SOX5: variants seen among roughly 807,000 people sequenced by gnomAD.
SOX5 encodes the protein transcription factor SOX-5.
Under a neutral mutation model 92.0 loss-of-function variants are expected in SOX5, and 9 were observed. That is an observed-to-expected ratio of 0.10 (90% CI 0.06 to 0.17). The LOEUF (loss-of-function observed/expected upper bound fraction) is 0.17. Among genes scored for constraint, SOX5 ranks in the 10% least tolerant of loss-of-function variants. SOX5 has a pLI of 1.00. For missense variants in SOX5, 642 were observed against 944.5 expected (o/e 0.68, Z 4.20); for synonymous variants, 344 against 336.3 (o/e 1.02, Z -0.25).
At chr12:23,756,868 C>T (rs2094399997) in intron 3 of SOX5, among the ~76,000 whole-genome samples, 1 of 151,856 alleles carries the variant, frequency 6.6e-6, no homozygotes, top group African/African-American at 2.4e-5. Flanking sequence ...GGTTAATTTT[C>T]CCCACAGTAA....
intron 2 of SOX5, among the ~76,000 whole-genome samples, chr12:23,847,041 G>T (rs2096583106): frequency 6.6e-6 from 1 of 152,024 alleles, no homozygotes; most frequent in African/African-American, 2.4e-5. Context: ...CACAAATCTG[G>T]TAATTTGTAT....
intron 1 of SOX5, among the ~76,000 whole-genome samples, chr12:24,479,988 A>G (rs1209159217): frequency 1.3e-5 from 2 of 152,194 alleles, no homozygotes; most frequent in African/African-American, 4.8e-5. Context: ...TTTAAAAACC[A>G]TAATAGTTAA....
At chr12:24,365,297 A>C (rs1195506903) in intron 2 of SOX5, among the ~76,000 whole-genome samples, 1 of 152,124 alleles carries the variant, frequency 6.6e-6, no homozygotes, top group Non-Finnish European at 1.5e-5. Flanking sequence ...AGCAACTTAA[A>C]ACTCCAGGCT....
At chr12:24,424,808 T>TTGGG (rs777071142) in intron 1 of SOX5, among the ~76,000 whole-genome samples, 1 of 138,438 alleles carries the variant, frequency 7.2e-6, no homozygotes, top group East Asian at 2.3e-4. Flanking sequence ...GTTTTTTTTT[T>TTGGG]GGGGGGGGGG....
chr12:24,370,924 A>G (rs1444514481), intron 1 of SOX5, among the ~76,000 whole-genome samples: 1 of 152,202 alleles, frequency 6.6e-6, no homozygotes, highest in Non-Finnish European at 1.5e-5. Context: ...ACAAATGACA[A>G]TTTGGTAGAG....
chr12:23,747,852 AG>A (rs899446294), intron 4 of SOX5, among the ~76,000 whole-genome samples: 8 of 152,078 alleles, frequency 5.3e-5, no homozygotes, highest in African/African-American at 1.9e-4. Context: ...ATGTGTTCAC[AG>A]GGCAGCTCCC....
intron 6 of SOX5, among the ~76,000 whole-genome samples, chr12:23,733,256 T>G (rs2093459310): frequency 6.6e-6 from 1 of 152,214 alleles, no homozygotes; most frequent in Non-Finnish European, 1.5e-5. Flanking sequence ...CATTGCTGAT[T>G]ATGGAATTAC....
intron 4 of SOX5, among the ~76,000 whole-genome samples, chr12:24,194,495 T>C (rs905886815): frequency 1.3e-5 from 2 of 152,150 alleles, no homozygotes; most frequent in African/African-American, 4.8e-5. Flanking sequence ...TTTGGTTCAA[T>C]AGATTGATAA....
At chr12:24,065,300 G>A (rs939302102) in intron 4 of SOX5, among the ~76,000 whole-genome samples, 2 of 152,118 alleles carry the variant, frequency 1.3e-5, no homozygotes, top group Admixed American at 6.5e-5. Flanking sequence ...ACATGGAGCT[G>A]GATTCCAGAA....
intron 8 of SOX5, among the ~76,000 whole-genome samples, chr12:23,620,106 C>T (rs1025577327): frequency 6.6e-6 from 1 of 151,980 alleles, no homozygotes; most frequent in Admixed American, 6.6e-5. Flanking sequence ...TTTCCTGTAA[C>T]TATGAATACC....
At chr12:24,005,315 A>G (rs1952042031) in intron 4 of SOX5, among the ~76,000 whole-genome samples, 1 of 152,176 alleles carries the variant, frequency 6.6e-6, no homozygotes, top group South Asian at 2.1e-4. Flanking sequence ...TGATTATTAG[A>G]AAGGAAGCAT....
intron 4 of SOX5, among the ~76,000 whole-genome samples, chr12:23,970,841 A>ATATATATATATTTTTT: frequency 0.034 from 748 of 21,878 alleles, 174 homozygotes; most frequent in East Asian, 0.092. Context: ...TATATATATA[A>ATATATATATATTTTTT]TTTTTTTTTT....
At chr12:24,125,549 A>G (rs1310928878) in intron 4 of SOX5, among the ~76,000 whole-genome samples, 5 of 152,046 alleles carry the variant, frequency 3.3e-5, no homozygotes, top group African/African-American at 4.8e-5. Flanking sequence ...TGTTTTCCCA[A>G]CTCTCTTGGA....
At chr12:24,286,867 C>T (rs1945929424) in intron 2 of SOX5, among the ~76,000 whole-genome samples, 1 of 152,218 alleles carries the variant, frequency 6.6e-6, no homozygotes, top group South Asian at 2.1e-4. Flanking sequence ...TCCAAGTGAT[C>T]TTGGACACAA....
chr12:23,587,468 T>C (rs1403793122), intron 9 of SOX5, among the ~76,000 whole-genome samples: 1 of 152,122 alleles, frequency 6.6e-6, no homozygotes, highest in Non-Finnish European at 1.5e-5. Context: ...AAATAATCAT[T>C]AAAAAATAAT....
At chr12:23,724,782 G>A (rs1352207727) in intron 6 of SOX5, among the ~76,000 whole-genome samples, 3 of 152,140 alleles carry the variant, frequency 2.0e-5, no homozygotes, top group African/African-American at 7.2e-5. Flanking sequence ...TCCAGGCCAT[G>A]AGAATAACCA....
chr12:24,254,494 A>G (rs1940777537), intron 3 of SOX5, among the ~76,000 whole-genome samples: 1 of 151,798 alleles, frequency 6.6e-6, no homozygotes, highest in Non-Finnish European at 1.5e-5. Context: ...AGCCTACAGT[A>G]GGGAAAAAAA....
intron 4 of SOX5, among the ~76,000 whole-genome samples, chr12:23,744,943 A>G (rs1250106308): frequency 2.0e-5 from 3 of 152,128 alleles, no homozygotes; most frequent in Non-Finnish European, 4.4e-5. Context: ...ATGTGTTCAC[A>G]TCGTCTCGGT....
chr12:24,137,185 C>T (rs1157129298), intron 4 of SOX5, among the ~76,000 whole-genome samples: 1 of 152,164 alleles, frequency 6.6e-6, no homozygotes, highest in Non-Finnish European at 1.5e-5. Flanking sequence ...TAAATGCAGT[C>T]ATTACTGACA....
Sources: gnomAD v4.1 joint callset for allele counts (sites outside exome capture counted in the v4.1 genomes callset) on GRCh38, gnomAD v4.1.1 for gene constraint, MANE v1.5 for transcripts, NCBI Gene and HGNC (gene_info 2026-07-23, HGNC 2026-07-21) for gene names.